The following MACROD2 variants were observed in gnomAD, a reference collection of about 807,000 sequenced individuals.
MACROD2 encodes the protein ADP-ribose glycohydrolase MACROD2.
A neutral mutation model predicts 70.4 loss-of-function variants in MACROD2; 36 were observed. The ratio of observed to expected loss-of-function variants is 0.51; its 90% CI spans 0.39 to 0.68. The LOEUF (loss-of-function observed/expected upper bound fraction) is 0.68, where lower values mean the gene tolerates loss of function less well. Ranked by LOEUF, MACROD2 falls within the 30% of genes least tolerant of loss-of-function variation. The probability of loss-of-function intolerance (pLI) is 0.00; values close to 1 mark genes in which losing one functional copy is unlikely to be tolerated. For missense variants in MACROD2, 496 were observed against 538.4 expected, an observed-to-expected ratio of 0.92 and a Z score of 0.78; for synonymous variants, 172 against 178.8, an observed-to-expected ratio of 0.96 and a Z score of 0.30.
chr20:15,281,076 T>C (rs1265279103), intron 6 of MACROD2, among the ~76,000 whole-genome samples: 1 of 152,182 alleles, frequency 6.6e-6, no homozygotes, highest in Non-Finnish European at 1.5e-5. Context: ...CACTAGACGC[T>C]TATAAAACTG....
At chr20:15,202,034 C>T (rs1476304631) in intron 5 of MACROD2, among the ~76,000 whole-genome samples, 3 of 152,164 alleles carry the variant, frequency 2.0e-5, no homozygotes, top group Admixed American at 6.5e-5. Context: ...CATAAGGGAA[C>T]TGATACCTGA....
chr20:15,307,516 T>A (rs2077709913), intron 6 of MACROD2, among the ~76,000 whole-genome samples: 1 of 152,182 alleles, frequency 6.6e-6, no homozygotes, highest in Admixed American at 6.6e-5. Context: ...TGTGTTTGAG[T>A]TTAGTAAATG....
intron 15 of MACROD2, among the ~76,000 whole-genome samples, chr20:15,995,467 A>G (rs1301361680): frequency 6.6e-6 from 1 of 151,512 alleles, no homozygotes; most frequent in Admixed American, 6.6e-5. Context: ...CTCCTGCCTC[A>G]GCCTCCTGAG....
intron 3 of MACROD2, among the ~76,000 whole-genome samples, chr20:14,411,368 T>G (rs1050925712): frequency 3.9e-5 from 6 of 152,068 alleles, no homozygotes; most frequent in Non-Finnish European, 7.4e-5. Flanking sequence ...GAATTCCTGC[T>G]CCCAGCTGAA....
chr20:15,425,073 T>G (rs1168757501), intron 6 of MACROD2, among the ~76,000 whole-genome samples: 1 of 152,122 alleles, frequency 6.6e-6, no homozygotes, highest in East Asian at 1.9e-4. Flanking sequence ...TGGCAGTGGT[T>G]TGGAAGAAAA....
At chr20:14,655,895 C>A (rs1205521920) in intron 4 of MACROD2, among the ~76,000 whole-genome samples, 4 of 152,072 alleles carry the variant, frequency 2.6e-5, no homozygotes, top group Non-Finnish European at 5.9e-5. Context: ...TCAATGATAT[C>A]TTTTTATTTT....
At chr20:15,527,621 A>T (rs117386213) in intron 8 of MACROD2, among the ~76,000 whole-genome samples, 6,265 of 152,222 alleles carry the variant, frequency 0.041, 155 homozygotes, top group South Asian at 0.13. Context: ...GACTGCCCAT[A>T]GGCCATCTGA....
chr20:15,508,415 A>T lies in MACROD2; in HGVS notation c.645+8568A>T, dbSNP rs149443015. 2.0e-5 allele frequency among the ~76,000 whole-genome samples: 3 copies of T among 152,252 alleles called. No individual in the cohort carries two copies. In the East Asian group the frequency reaches 5.8e-4, roughly 29 times the overall value. On this transcript the variant is annotated intron_variant, in intron 8 of 17. Coordinates refer to ENST00000684519, the MANE Select transcript of MACROD2 (RefSeq NM_001351661.2). ...GTTCTAGGAGGTATAGAATAGGTAC[A>T]TGAAGGAGTTAAAGAGGGAAGAAAG...
At chr20:14,911,463 G>A (rs761086365) in intron 5 of MACROD2, among the ~76,000 whole-genome samples, 3 of 151,914 alleles carry the variant, frequency 2.0e-5, no homozygotes, top group African/African-American at 4.8e-5. Flanking sequence ...CTGCAGCCTC[G>A]GCCTCTTGAG....
intron 5 of MACROD2, among the ~76,000 whole-genome samples, chr20:14,809,075 C>T (rs541081958): frequency 3.3e-5 from 5 of 152,188 alleles, no homozygotes; most frequent in African/African-American, 1.2e-4. Flanking sequence ...AGCTCTGGAC[C>T]AAGTGGACCT....
intron 6 of MACROD2, among the ~76,000 whole-genome samples, chr20:15,394,346 T>C (rs1046557429): frequency 1.3e-5 from 2 of 152,240 alleles, no homozygotes; most frequent in Admixed American, 6.5e-5. Context: ...TTAGTCCTCT[T>C]GTAAGATAGC....
At chr20:14,350,817 C>G (rs2122693395) in intron 3 of MACROD2, among the ~76,000 whole-genome samples, 1 of 152,270 alleles carries the variant, frequency 6.6e-6, no homozygotes, top group Non-Finnish European at 1.5e-5. Context: ...GGGTATTACT[C>G]AAGAAATCTT....
At chr20:14,560,614 CAAAG>C (rs1295820602) in intron 4 of MACROD2, among the ~76,000 whole-genome samples, 1 of 151,834 alleles carries the variant, frequency 6.6e-6, no homozygotes, top group African/African-American at 2.4e-5. Flanking sequence ...TTGAATATCA[CAAAG>C]AAAACTTTTC....
intron 8 of MACROD2, among the ~76,000 whole-genome samples, chr20:15,681,778 T>C (rs1431368752): frequency 6.6e-6 from 1 of 152,242 alleles, no homozygotes; most frequent in Non-Finnish European, 1.5e-5. Flanking sequence ...AATTTGAATG[T>C]TACATGAGGT....
At chr20:14,179,926 A>C (rs918683131) in intron 3 of MACROD2, among the ~76,000 whole-genome samples, 1 of 152,172 alleles carries the variant, frequency 6.6e-6, no homozygotes, top group Non-Finnish European at 1.5e-5. Context: ...AGTAAATATA[A>C]ATAAGATATA....
chr20:15,997,641 A>G (rs192224444), intron 15 of MACROD2, among the ~76,000 whole-genome samples: 34 of 152,242 alleles, frequency 2.2e-4, no homozygotes, highest in African/African-American at 6.7e-4. Context: ...ATAAACAGAG[A>G]AAATCATAAT....
Position 13,995,721 on chromosome 20 carries a change from C to G in MACROD2, c.-43C>G, listed in dbSNP as rs766407312. On this transcript the variant is annotated 5_prime_UTR_variant, in exon 1 of 18. Coordinates refer to ENST00000684519, the MANE Select transcript of MACROD2 (RefSeq NM_001351661.2). The surrounding 1 kb of genome is among the most constrained non-coding windows in gnomAD (Gnocchi z 4.3). ...CACACACACCCTGTTTGCCCGTGAG[C>G]CTGGGGAACTTGCAGCTTAAAGCCA... The G allele has an allele frequency of 6.4e-7, 1 of 1,562,228 alleles. No individual in the cohort carries two copies. Among genetic ancestry groups the G allele is most frequent in the Admixed American group, 1.7e-5 (1 of 59,070 alleles).
At chr20:14,542,707 A>G (rs2085448981) in intron 4 of MACROD2, among the ~76,000 whole-genome samples, 1 of 152,220 alleles carries the variant, frequency 6.6e-6, no homozygotes, top group Non-Finnish European at 1.5e-5. Flanking sequence ...TGGTTAGATT[A>G]ATAGATATGT....
chr20:15,609,593 G>T (rs748966141), intron 8 of MACROD2, among the ~76,000 whole-genome samples: 2 of 139,346 alleles, frequency 1.4e-5, no homozygotes, highest in Non-Finnish European at 3.0e-5. Flanking sequence ...CCATGTGAGT[G>T]GAAGGTGATC....
Sources: allele counts gnomAD v4.1 joint callset (sites outside exome capture counted in the v4.1 genomes callset), GRCh38; gene constraint gnomAD v4.1.1; non-coding constraint Gnocchi (gnomAD v3.1); transcripts MANE v1.5; gene names NCBI Gene and HGNC (gene_info 2026-07-23, HGNC 2026-07-21).